The following CARS1 variants were observed in gnomAD, a reference collection of about 807,000 sequenced individuals.
CARS1 encodes the protein cysteinyl-tRNA synthetase 1.
Under a neutral mutation model 106.2 loss-of-function variants are expected in CARS1, and 48 were observed. The observed-to-expected ratio is 0.45, with a 90% confidence interval of 0.36 to 0.57. The LOEUF is 0.57. CARS1 is among the 20% of genes least tolerant of loss of function. The pLI, the probability that CARS1 is intolerant of heterozygous loss-of-function variation, is 0.00. For synonymous variants in CARS1, 409 were observed against 403.4 expected, an observed-to-expected ratio of 1.01 and a Z score of -0.17; for missense variants, 968 against 1,057.2, an observed-to-expected ratio of 0.92 and a Z score of 1.17.
rs34717371 is a variant in CARS1 at position 3,016,222 on chromosome 11, CTTTT to C, written c.1918-377_1918-374del. Among the ~76,000 whole-genome samples, 5 of 136,768 alleles carry C rather than the reference CTTTT, an allele frequency of 3.7e-5. No individual in the cohort carries two copies. The South Asian group carries it at 6.9e-4, about 19-fold the overall frequency. 89.7% of individuals were successfully genotyped at this position (136,768 alleles called of 152,430 possible). A position where few individuals can be genotyped will look rare whatever the true frequency, so the allele number is the denominator to read the frequency against. ...AGGCCTTGTCCCTGGTTTTGCTTCT[CTTTT>C]TTTTTTTTTTTTGAGATGGAATCTC... is the stretch of plus-strand genomic sequence containing the variant. On this transcript the variant is annotated intron_variant, in intron 16 of 22. Coordinates refer to ENST00000380525, the MANE Select transcript of CARS1 (RefSeq NM_001014437.3).
Position 3,020,458 on chromosome 11 carries a change from G to GCT in CARS1, c.1154-128_1154-127dup. ...TGACTAACTTCTGTTTATTAACTTG[G>GCT]CTCAAGCATTTCTTCAAGTTAACTA... On this transcript the variant is annotated intron_variant, in intron 10 of 22. Coordinates refer to ENST00000380525, the MANE Select transcript of CARS1 (RefSeq NM_001014437.3). This position sits in a 1 kb window ranked among gnomAD's most constrained non-coding sequence, Gnocchi z 4.6. 1 of 641,264 alleles carries GCT rather than the reference G, an allele frequency of 1.6e-6. No homozygotes were observed. The highest frequency in any genetic ancestry group is 2.7e-5 in the East Asian group (1 of 36,554). The allele number at this position is 641,264 out of a possible 1,614,324, so 39.7% of individuals were successfully genotyped here.
chr11:3,057,354 G>T lies in CARS1; in HGVS notation c.14C>A (p.Ser5Tyr). The change falls in exon 1 of 23, where the codon TCC becomes TAC. Residue 5 changes from serine to tyrosine, a missense_variant. Coordinates refer to ENST00000380525, the MANE Select transcript of CARS1 (RefSeq NM_001014437.3). MADS[S>Y]GQQAPDYRSI... ...GCCGCGCCGCTCACCCTGCTGCCCG[G>T]AGGAATCTGCCATGGCTGGGAATCC... The T allele has an allele frequency of 6.2e-7, 1 of 1,610,728 alleles. No individual in the cohort carries two copies. The highest frequency in any genetic ancestry group is 8.5e-7 in the Non-Finnish European group (1 of 1,178,960).
chr11:3,018,011 T>C (rs1338098484), intron 14 of CARS1, 57 bp from the exon 15 acceptor site: 1 of 1,146,680 alleles, frequency 8.7e-7, no homozygotes, highest in African/African-American at 1.5e-5. Flanking sequence ...TCCTGAAATA[T>C]CTGTTACAAC....
Position 3,019,280 on chromosome 11 carries a change from G to C in CARS1, c.1267-13C>G, listed in dbSNP as rs140967069. 1 of 1,404,672 alleles carries C rather than the reference G, an allele frequency of 7.1e-7. No individual in the cohort carries two copies. The highest frequency in any genetic ancestry group is 1.5e-5 in the African/African-American group (1 of 67,908). 87.0% of individuals were successfully genotyped at this position (1,404,672 alleles called of 1,614,324 possible). ...AGCCCGGACGACCCTGGAGAAAGCC[G>C]AACACACAGTGACTGACCAGCCTAC... On this transcript the variant is annotated splice_polypyrimidine_tract_variant and intron_variant, in intron 11 of 22. Coordinates refer to ENST00000380525, the MANE Select transcript of CARS1 (RefSeq NM_001014437.3). This position sits in a 1 kb window ranked among gnomAD's most constrained non-coding sequence, Gnocchi z 6.2.
chr11:3,042,247 C>T lies in CARS1; in HGVS notation c.284G>A (p.Arg95Gln), dbSNP rs757237908. 6.8e-6 allele frequency: 11 copies of T among 1,611,738 alleles called. No homozygotes were observed. Among genetic ancestry groups the T allele is most frequent in the South Asian group, 1.1e-5 (1 of 91,034 alleles). Residue 95 changes from arginine (R) to glutamine (Q), a missense_variant, in exon 3 of 23, where the codon CGG becomes CAG. Arg to Gln is a conservative substitution (Grantham distance 43). Transcript: ENST00000380525. ...QPCRLQASKG[R>Q]RVQPQWSPPA... ...AGGGGACCACTGGGGCTGCACACGC[C>T]GGCCTTTGCCTGGGAGGCAGAGAGA...
chr11:3,020,360 G>T lies in CARS1; in HGVS notation c.1154-28C>A, dbSNP rs1028845511. The T allele has an allele frequency of 1.4e-6, 2 of 1,441,386 alleles. No homozygotes were observed. The highest frequency in any genetic ancestry group is 1.7e-5 in the Admixed American group (1 of 59,750). 89.3% of individuals were successfully genotyped at this position (1,441,386 alleles called of 1,614,324 possible). ...GCAAACACGAGGGACGCCAGGCAAG[G>T]TCACTCAGCAGCACCCACAGACCCA... On this transcript the variant is annotated intron_variant, in intron 10 of 22. Transcript: ENST00000380525. This position sits in a 1 kb window ranked among gnomAD's most constrained non-coding sequence, Gnocchi z 4.6.
chr11:3,021,082 G>A lies in CARS1; in HGVS notation c.1154-750C>T, dbSNP rs1281602278. ...CTTGGTGAATTCCATGCATTGACTC[G>A]GTGACACTCAGCCACCTGACACTCA... On this transcript the variant is annotated intron_variant, in intron 10 of 22. Coordinates refer to ENST00000380525, the MANE Select transcript of CARS1 (RefSeq NM_001014437.3). The surrounding 1 kb of genome is among the most constrained non-coding windows in gnomAD (Gnocchi z 5.3). Among the ~76,000 whole-genome samples the A allele has an allele frequency of 1.3e-5, 2 of 152,098 alleles. No homozygotes were observed. The highest frequency in any genetic ancestry group is 2.1e-4 in the South Asian group (1 of 4,824).
Position 3,029,135 on chromosome 11 carries a change from G to A in CARS1, c.943-51C>T, listed in dbSNP as rs754594207. 29 of 1,480,436 alleles carry A rather than the reference G, an allele frequency of 2.0e-5. No individual in the cohort carries two copies. The highest frequency in any genetic ancestry group is 1.2e-4 in the Admixed American group (7 of 59,426). The allele number at this position is 1,480,436 out of a possible 1,614,324, so 91.7% of individuals were successfully genotyped here. ...GGATTTTCCCTTCTGAAAACCACGC[G>A]CTCCATAAAAACGTTCCCAATTCAT... On this transcript the variant is annotated intron_variant, in intron 8 of 22. Transcript: ENST00000380525. The surrounding 1 kb of genome is among the most constrained non-coding windows in gnomAD (Gnocchi z 5.9).
At chr11:3,018,799 G>A (rs183239843) in intron 12 of CARS1, 50 bp from the exon 13 acceptor site, 188 of 1,584,812 alleles carry the variant, frequency 1.2e-4, no homozygotes, top group South Asian at 4.0e-4. Context: ...TACTGGGGCC[G>A]CCTCCTGCCA....
intron 19 of CARS1, 35 bp downstream of exon 19, chr11:3,006,844 G>C (rs370963223): frequency 2.6e-6 from 4 of 1,554,364 alleles, no homozygotes; most frequent in Non-Finnish European, 2.7e-6. Context: ...CCAAGCTCCT[G>C]GTAACTTTGT....
chr11:3,025,897 C>T (rs1852021362), intron 10 of CARS1, among the ~76,000 whole-genome samples: 1 of 152,214 alleles, frequency 6.6e-6, no homozygotes, highest in African/African-American at 2.4e-5. Flanking sequence ...TCCCCCTAAA[C>T]CTCACATGCT....
rs1360690116 is a variant in CARS1, at chr11:3,045,964, C to A, written c.274+1789G>T. ...TCCCAGACTCCAGCTCCCACCTCCC[C>A]CTTCAGCCCCTGCTCAGTGTACAGC... On this transcript the variant is annotated intron_variant, in intron 2 of 22. Coordinates refer to ENST00000380525, the MANE Select transcript of CARS1 (RefSeq NM_001014437.3). The surrounding 1 kb of genome is among the most constrained non-coding windows in gnomAD (Gnocchi z 5.6). 6.6e-6 allele frequency among the ~76,000 whole-genome samples: 1 copy of A among 152,194 alleles called. No individual in the cohort carries two copies. The highest frequency in any genetic ancestry group is 3.2e-3 in the Middle Eastern group (1 of 316).
In CARS1 at chr11:3,019,172, G is replaced by A. The variant is rs138218288; in HGVS notation, c.1362C>T (p.Phe454=). The A allele has an allele frequency of 6.1e-5, 93 of 1,525,440 alleles. No homozygotes were observed. In the African/African-American group the frequency reaches 1.1e-3, roughly 17 times the overall value. The allele number at this position is 1,525,440 out of a possible 1,614,324, so 94.5% of individuals were successfully genotyped here. A position where few individuals can be genotyped will look rare whatever the true frequency, so the allele number is the denominator to read the frequency against. ...GTGCCAGCTCATTGTCATGGTGGGG[G>A]AACCGGAGGTCGAACCCACCTCCGT... ...DIHGGGFDLR[F]PHHDNELAQS... is the part of the protein sequence containing the mutation. The change falls in exon 12 of 23, where the codon TTC becomes TTT. Residue 454 remains phenylalanine (F), a synonymous_variant. Coordinates refer to ENST00000380525, the MANE Select transcript of CARS1 (RefSeq NM_001014437.3). The surrounding 1 kb of genome is among the most constrained non-coding windows in gnomAD (Gnocchi z 6.2).
chr11:3,005,420 C>T lies in CARS1; in HGVS notation c.2163G>A (p.Val721=). The T allele has an allele frequency of 6.2e-7, 1 of 1,613,828 alleles. No individual in the cohort carries two copies. Among genetic ancestry groups the T allele is most frequent in the Non-Finnish European group, 8.5e-7 (1 of 1,179,762 alleles). Residue 721 remains valine (V), a synonymous_variant, in exon 20 of 23, where the codon GTG becomes GTA. Coordinates refer to ENST00000380525, the MANE Select transcript of CARS1 (RefSeq NM_001014437.3). ...RFEDHEGLPT[V]VKLVDRNTLL... is the part of the protein sequence containing the mutation. ...AGGTGTTTCTGTCTACCAGTTTCAC[C>T]ACTGTGGGCAGTCCTGCAAAATAAA... is the stretch of plus-strand genomic sequence containing the variant.
At chr11:3,042,086 G>A (rs1007353354) in intron 3 of CARS1, 79 bp downstream of exon 3, 55 of 1,019,690 alleles carry the variant, frequency 5.4e-5, no homozygotes, top group Non-Finnish European at 7.6e-5. Flanking sequence ...GAAGTCTGTT[G>A]TGCGACAAGG....
At chr11:3,007,477 C>A (rs1233787610) in intron 18 of CARS1, 1 of 153,938 alleles carries the variant, frequency 6.5e-6, no homozygotes, top group African/African-American at 2.4e-5. Context: ...CTGACCGGCA[C>A]CCAGGAGAGC....
rs373546669 is a variant in CARS1, at chr11:3,034,678, C to T, written c.801+3372G>A. On this transcript the variant is annotated intron_variant, in intron 7 of 22. Coordinates refer to ENST00000380525, the MANE Select transcript of CARS1 (RefSeq NM_001014437.3). This position sits in a 1 kb window ranked among gnomAD's most constrained non-coding sequence, Gnocchi z 6.3. ...CCAAGTAGCTGGGATTACAGGCACA[C>T]GCCACAACACCCAGCTAATTTTTTT... Among the ~76,000 whole-genome samples, 6 of 151,824 alleles carry T rather than the reference C, an allele frequency of 4.0e-5. No individual in the cohort carries two copies. Among genetic ancestry groups the T allele is most frequent in the Admixed American group, 6.6e-5 (1 of 15,238 alleles).
In CARS1 at chr11:3,042,156, T is replaced by G. The variant is rs758386642; in HGVS notation, c.366+9A>C. 1 of 1,610,804 alleles carries G rather than the reference T, an allele frequency of 6.2e-7. No homozygotes were observed. The highest frequency in any genetic ancestry group is 8.5e-7 in the Non-Finnish European group (1 of 1,177,184). On this transcript the variant is annotated intron_variant, in intron 3 of 22. Coordinates refer to ENST00000380525, the MANE Select transcript of CARS1 (RefSeq NM_001014437.3). ...TGTGCGTGTGCCACGGCATCTGTGT[T>G]CTCCTTACCTTGTTCCTGGTGAGGC...
At position 3,017,135 on chromosome 11, in the gene CARS1, T is replaced by A. The variant is rs758067160; in HGVS notation, c.1888A>T (p.Ile630Phe). Residue 630 changes from isoleucine to phenylalanine, a missense_variant, in exon 16 of 23, where the codon ATC becomes TTC. Ile to Phe is a conservative substitution (Grantham distance 21). Coordinates refer to ENST00000380525, the MANE Select transcript of CARS1 (RefSeq NM_001014437.3). This position sits in a 1 kb window ranked among gnomAD's most constrained non-coding sequence, Gnocchi z 4.9. ...AGCATATGGGTGAGGTACAGGGCGATGTTCTCCAGCAGAGCCTGGTTGGGC... is the reference window on the plus strand; with the variant it reads ...AGCATATGGGTGAGGTACAGGGCGAAGTTCTCCAGCAGAGCCTGGTTGGGC... ...KRPNQALLEN[I>F]ALYLTHMLKI... 1 of 1,614,090 alleles carries A rather than the reference T, an allele frequency of 6.2e-7. No individual in the cohort carries two copies. Among genetic ancestry groups the A allele is most frequent in the South Asian group, 1.1e-5 (1 of 91,084 alleles).
Sources: gnomAD v4.1 joint callset for allele counts (sites outside exome capture counted in the v4.1 genomes callset) on GRCh38, gnomAD v4.1.1 for gene constraint, Gnocchi (gnomAD v3.1) non-coding constraint, MANE v1.5 for transcripts, NCBI Gene and HGNC (gene_info 2026-07-23, HGNC 2026-07-21) for gene names.